Variants in FILIP1L observed in about 807,000 individuals in gnomAD.
The protein encoded by FILIP1L is filamin A-interacting protein 1-like.
A neutral mutation model predicts 96.6 loss-of-function variants in FILIP1L; 55 were observed. The observed-to-expected ratio is 0.57, with a 90% CI of 0.46 to 0.71. The LOEUF is 0.71. FILIP1L is among the 30% of genes least tolerant of loss of function. FILIP1L has a pLI of 0.00. For missense variants in FILIP1L, 1,304 were observed against 1,321.2 expected, an observed-to-expected ratio of 0.99 and a Z score of 0.20; for synonymous variants, 467 against 473.9, an observed-to-expected ratio of 0.99 and a Z score of 0.19.
intron 1 of FILIP1L, among the ~76,000 whole-genome samples, chr3:100,033,864 G>A (rs963180540): frequency 4.6e-5 from 7 of 152,152 alleles, no homozygotes; most frequent in African/African-American, 9.7e-5. Flanking sequence ...ATTTTCCTAA[G>A]TGAACATCTA....
chr3:100,071,376 C>T (rs2065761004), intron 1 of FILIP1L, among the ~76,000 whole-genome samples: 1 of 152,182 alleles, frequency 6.6e-6, no homozygotes, highest in South Asian at 2.1e-4. Flanking sequence ...CAGTAATGCT[C>T]AGTTCCTGCT....
At chr3:99,904,313 A>G (rs1303490888) in intron 4 of FILIP1L, among the ~76,000 whole-genome samples, 1 of 152,250 alleles carries the variant, frequency 6.6e-6, no homozygotes, top group Non-Finnish European at 1.5e-5. Flanking sequence ...GAGATCTTTC[A>G]GTAGGGAGAG....
At chr3:99,971,769 C>A (rs544142797) in intron 1 of FILIP1L, among the ~76,000 whole-genome samples, 3 of 152,176 alleles carry the variant, frequency 2.0e-5, no homozygotes, top group African/African-American at 7.2e-5. Context: ...GAGTCCTCTC[C>A]CTGCAACACC....
chr3:99,863,913 T>G (rs1437530690), intron 4 of FILIP1L, among the ~76,000 whole-genome samples: 1 of 152,240 alleles, frequency 6.6e-6, no homozygotes, highest in Non-Finnish European at 1.5e-5. Flanking sequence ...AGCATCTTGT[T>G]TTTTGCAGCC....
intron 4 of FILIP1L, among the ~76,000 whole-genome samples, chr3:99,861,075 C>A (rs192261422): frequency 6.6e-6 from 1 of 152,090 alleles, no homozygotes; most frequent in Admixed American, 6.5e-5. Flanking sequence ...TTTCCTCCCC[C>A]ACCCCCTGCT....
chr3:99,940,209 G>T (rs1707812188), intron 1 of FILIP1L, among the ~76,000 whole-genome samples: 1 of 152,136 alleles, frequency 6.6e-6, no homozygotes, highest in Non-Finnish European at 1.5e-5. Context: ...ATGTTTTCCA[G>T]ATCTTTGTGG....
At chr3:99,898,803 T>A (rs1434483580) in intron 4 of FILIP1L, 1 of 150,886 alleles carries the variant, frequency 6.6e-6, no homozygotes, top group African/African-American at 2.4e-5. Flanking sequence ...TTTCACATCA[T>A]CCTAGCAGTT....
intron 5 of FILIP1L, 49 bp downstream of exon 5, chr3:99,848,246 A>T (rs1469797794): frequency 1.3e-6 from 2 of 1,597,640 alleles, no homozygotes; most frequent in African/African-American, 2.7e-5. Context: ...CAAAAATATC[A>T]GTATGGACTG....
chr3:100,042,335 T>C (rs1412875154), intron 1 of FILIP1L, among the ~76,000 whole-genome samples: 1 of 152,040 alleles, frequency 6.6e-6, no homozygotes, highest in Non-Finnish European at 1.5e-5. Context: ...GACCAGCCAG[T>C]AACAAAAAAA....
intron 4 of FILIP1L, among the ~76,000 whole-genome samples, chr3:99,893,057 G>T (rs1344721571): frequency 5.3e-5 from 8 of 151,768 alleles, no homozygotes; most frequent in African/African-American, 1.9e-4. Context: ...GATGCTCTGT[G>T]TGTCTGTTCT....
chr3:99,874,665 A>G (rs1705417405), intron 4 of FILIP1L, among the ~76,000 whole-genome samples: 1 of 152,238 alleles, frequency 6.6e-6, no homozygotes, highest in African/African-American at 2.4e-5. Flanking sequence ...GGCAAAAATG[A>G]TAGGCACCAA....
chr3:100,014,641 T>C (rs926508470), intron 1 of FILIP1L, among the ~76,000 whole-genome samples: 6 of 152,190 alleles, frequency 3.9e-5, no homozygotes, highest in African/African-American at 1.4e-4. Context: ...ATGTCTTCTT[T>C]TGAGAAATGT....
intron 5 of FILIP1L, among the ~76,000 whole-genome samples, chr3:99,832,317 G>GCCT (rs2107486274): frequency 6.9e-6 from 1 of 145,728 alleles, no homozygotes; most frequent in South Asian, 2.1e-4. Flanking sequence ...TGCAAGCTCC[G>GCCT]CCTCCCGGGC....
rs560561348 is a variant in FILIP1L, at chr3:99,862,806, A to G, written c.606-11736T>C. 2.2e-4 allele frequency among the ~76,000 whole-genome samples: 33 copies of G among 152,320 alleles called. 1 individual carries two copies. The South Asian group carries it at 5.6e-3, about 26-fold the overall frequency. On this transcript the variant is annotated intron_variant, in intron 4 of 5. Transcript: ENST00000477258. The stretch of plus-strand genomic sequence containing the variant: ...TACTCAAATGTATTTGGGATCAGCC[A>G]CTGTCTTCCATTTCTCTTTTGCTCA...
intron 1 of FILIP1L, among the ~76,000 whole-genome samples, chr3:99,991,967 T>C (rs1377621468): frequency 6.7e-6 from 1 of 149,322 alleles, no homozygotes; most frequent in Non-Finnish European, 1.5e-5. Flanking sequence ...TGTGTGTATA[T>C]ATACACACAT....
At chr3:99,844,552 A>T (rs1420335251) in intron 5 of FILIP1L, among the ~76,000 whole-genome samples, 1 of 152,222 alleles carries the variant, frequency 6.6e-6, no homozygotes, top group African/African-American at 2.4e-5. Context: ...TTCAGAATCA[A>T]AGAAGCTACT....
At chr3:100,059,309 T>A (rs1471306041) in intron 1 of FILIP1L, among the ~76,000 whole-genome samples, 1 of 152,248 alleles carries the variant, frequency 6.6e-6, no homozygotes, top group East Asian at 1.9e-4. Flanking sequence ...GAGGCTATAA[T>A]GGGACGAGCC....
At chr3:99,931,898 T>C (rs1037177566) in intron 1 of FILIP1L, among the ~76,000 whole-genome samples, 3 of 152,226 alleles carry the variant, frequency 2.0e-5, no homozygotes, top group Non-Finnish European at 4.4e-5. Context: ...GTTGAACTTA[T>C]AATTGACTCT....
At position 99,850,062 on chromosome 3, in the gene FILIP1L, C is replaced by G; in HGVS notation, c.1614G>C (p.Lys538Asn). ...GCGCCCTTTTAGTTTCCTCAATTAA[C>G]TTCTCAGTAACTGTTGTTACTTTAT... ...EQNKVTTVTE[K>N]LIEETKRALK... Residue 538 changes from lysine to asparagine, a missense_variant, in exon 5 of 6, where the codon AAG (lysine) becomes AAC (asparagine). Physicochemically the swap from Lys to Asn is moderately conservative, Grantham distance 94. Coordinates refer to ENST00000477258, the MANE Select transcript of FILIP1L (RefSeq NM_001387850.1). 1 of 1,612,098 alleles carries G rather than the reference C, an allele frequency of 6.2e-7. No individual in the cohort carries two copies. Among genetic ancestry groups the G allele is most frequent in the Non-Finnish European group, 8.5e-7 (1 of 1,179,506 alleles).
Sources: gnomAD v4.1 joint callset for allele counts (sites outside exome capture counted in the v4.1 genomes callset) on GRCh38, gnomAD v4.1.1 for gene constraint, MANE v1.5 for transcripts, NCBI Gene and HGNC (gene_info 2026-07-23, HGNC 2026-07-21) for gene names.